ITGA9: variants seen among roughly 807,000 people sequenced by gnomAD.
ITGA9 encodes integrin alpha-9.
A neutral mutation model predicts 127.8 loss-of-function variants in ITGA9; 56 were observed. That is an observed-to-expected ratio of 0.44 (90% confidence interval 0.35 to 0.55). ITGA9 has a LOEUF of 0.55. Among genes scored for constraint, ITGA9 ranks in the 20% least tolerant of loss-of-function variants. ITGA9 has a pLI of 0.00. For missense variants in ITGA9, 1,196 were observed against 1,347.1 expected, an observed-to-expected ratio of 0.89 and a Z score of 1.76; for synonymous variants, 508 against 514.5, an observed-to-expected ratio of 0.99 and a Z score of 0.17.
At chr3:37,734,388 T>G (rs937146797) in intron 19 of ITGA9, among the ~76,000 whole-genome samples, 1 of 152,252 alleles carries the variant, frequency 6.6e-6, no homozygotes, top group Non-Finnish European at 1.5e-5. Context: ...TAGGCTTAAC[T>G]GGAAAACTTG....
At chr3:37,763,476 G>T (rs1305923321) in intron 23 of ITGA9, among the ~76,000 whole-genome samples, 1 of 152,182 alleles carries the variant, frequency 6.6e-6, no homozygotes. Context: ...GTGGGGTTCC[G>T]ACTGGACATC....
At chr3:37,732,256 C>CTGCT (rs1696301781) in intron 18 of ITGA9, among the ~76,000 whole-genome samples, 1 of 152,168 alleles carries the variant, frequency 6.6e-6, no homozygotes, top group Admixed American at 6.5e-5. Context: ...CCAGCCCTCA[C>CTGCT]TGCTTCAGGC....
chr3:37,531,067 G>GA (rs1233012803), intron 13 of ITGA9, among the ~76,000 whole-genome samples: 14 of 150,946 alleles, frequency 9.3e-5, no homozygotes, highest in African/African-American at 2.4e-4. Flanking sequence ...AGCTTCTTAA[G>GA]AAAAAAAAAG....
At chr3:37,741,228 A>G (rs1696428746) in intron 20 of ITGA9, among the ~76,000 whole-genome samples, 2 of 152,184 alleles carry the variant, frequency 1.3e-5, no homozygotes, top group South Asian at 4.1e-4. Context: ...TTCTCTGGCC[A>G]GAGCCCACTC....
rs191891923 is a variant in ITGA9, at chr3:37,759,629, T to C, written c.2541+9060T>C. The stretch of plus-strand genomic sequence containing the variant: ...TTGAAAGTAAAACATGGGCTGAGCA[T>C]GGTGGCTCATGCCTGTAATCCCAGC... On this transcript the variant is annotated intron_variant, in intron 23 of 27. Coordinates refer to ENST00000264741, the MANE Select transcript of ITGA9 (RefSeq NM_002207.3). 2.6e-4 allele frequency among the ~76,000 whole-genome samples: 39 copies of C among 152,132 alleles called. No individual in the cohort carries two copies. The East Asian group carries it at 6.4e-3, about 25-fold the overall frequency.
chr3:37,772,969 G>A (rs994612349), intron 23 of ITGA9, among the ~76,000 whole-genome samples: 1 of 152,218 alleles, frequency 6.6e-6, no homozygotes, highest in South Asian at 2.1e-4. Context: ...ACTAACTTCT[G>A]AGCTGTGACT....
intron 16 of ITGA9, among the ~76,000 whole-genome samples, chr3:37,644,657 AC>A (rs1476825118): frequency 6.6e-6 from 1 of 152,194 alleles, no homozygotes; most frequent in East Asian, 1.9e-4. Flanking sequence ...TAAAAAAAAC[AC>A]CCAAGATAGC....
chr3:37,732,039 G>A (rs1290026417), intron 18 of ITGA9, among the ~76,000 whole-genome samples: 1 of 152,176 alleles, frequency 6.6e-6, no homozygotes. Flanking sequence ...GAGAAGCCCT[G>A]TGGTTTGTGA....
intron 23 of ITGA9, among the ~76,000 whole-genome samples, chr3:37,757,835 G>A (rs74400002): frequency 0.026 from 3,881 of 151,678 alleles, 87 homozygotes; most frequent in Non-Finnish European, 0.038. Flanking sequence ...GATTCTAGTA[G>A]GCTTTCAAGG....
intron 26 of ITGA9, among the ~76,000 whole-genome samples, chr3:37,797,513 G>C (rs553780417): frequency 3.2e-4 from 49 of 152,182 alleles, no homozygotes; most frequent in African/African-American, 1.2e-3. Flanking sequence ...AGTAAGGCAG[G>C]CTTCTTGGGA....
intron 15 of ITGA9, among the ~76,000 whole-genome samples, chr3:37,603,791 A>G (rs1699943519): frequency 6.6e-6 from 1 of 152,210 alleles, no homozygotes. Flanking sequence ...GAGGCTCAGA[A>G]AGGTTCAATT....
chr3:37,589,856 A>C (rs1699797685), intron 15 of ITGA9, among the ~76,000 whole-genome samples: 1 of 151,890 alleles, frequency 6.6e-6, no homozygotes, highest in Admixed American at 6.6e-5. Context: ...CTTGGCTTTT[A>C]CTCATTGCAA....
At chr3:37,619,811 G>A (rs766189324) in intron 15 of ITGA9, among the ~76,000 whole-genome samples, 1 of 152,130 alleles carries the variant, frequency 6.6e-6, no homozygotes, top group South Asian at 2.1e-4. Context: ...TGGAGCCCAG[G>A]GTGACTTGCT....
chr3:37,550,680 G>A (rs541940337), intron 15 of ITGA9, among the ~76,000 whole-genome samples: 25 of 152,252 alleles, frequency 1.6e-4, no homozygotes, highest in African/African-American at 5.8e-4. Context: ...GAAGTTATGA[G>A]TGTTGAGTAT....
intron 19 of ITGA9, chr3:37,733,050 C>T (rs1696313977): frequency 2.0e-6 from 1 of 502,880 alleles, no homozygotes. Flanking sequence ...GTGAAGGACA[C>T]ACCACAGCCT....
intron 27 of ITGA9, among the ~76,000 whole-genome samples, chr3:37,817,228 T>A (rs900600510): frequency 2.0e-5 from 3 of 152,214 alleles, no homozygotes. Context: ...ACACGTCTTA[T>A]ATGTGCATGC....
intron 26 of ITGA9, among the ~76,000 whole-genome samples, chr3:37,794,647 T>G (rs777216499): frequency 4.6e-5 from 7 of 152,152 alleles, no homozygotes; most frequent in Admixed American, 2.0e-4. Context: ...GAGTAGTAGA[T>G]AGTAAACCTC....
intron 18 of ITGA9, among the ~76,000 whole-genome samples, chr3:37,728,260 C>A (rs1275493332): frequency 6.6e-6 from 1 of 152,210 alleles, no homozygotes; most frequent in East Asian, 1.9e-4. Flanking sequence ...AAGTGCCTGG[C>A]AGAAGTCATA....
At chr3:37,533,836 T>C (rs537341612) in intron 14 of ITGA9, among the ~76,000 whole-genome samples, 1 of 152,314 alleles carries the variant, frequency 6.6e-6, no homozygotes, top group African/African-American at 2.4e-5. Context: ...GACAGGACTT[T>C]GGAGGCTCCT....
Sources: allele counts gnomAD v4.1 joint callset (sites outside exome capture counted in the v4.1 genomes callset), GRCh38; gene constraint gnomAD v4.1.1; transcripts MANE v1.5; gene names NCBI Gene and HGNC (gene_info 2026-07-23, HGNC 2026-07-21).